The following LIG3 variants were observed in gnomAD, a reference collection of about 807,000 sequenced individuals.
LIG3 encodes ligase II, DNA, ATP-dependent.
Under a neutral mutation model 110.9 loss-of-function variants are expected in LIG3, and 58 were observed. The ratio of observed to expected loss-of-function variants is 0.52; its 90% CI spans 0.42 to 0.65. The LOEUF is 0.65. Among genes scored for constraint, LIG3 ranks in the 30% least tolerant of loss-of-function variants. The pLI is 0.00. For missense variants in LIG3, 1,094 were observed against 1,273.8 expected (o/e 0.86, Z 2.15); for synonymous variants, 422 against 472.8 (o/e 0.89, Z 1.39).
chr17:35,001,136 C>T, intron 16 of LIG3, 121 bp from the exon 17 acceptor site: 1 of 1,005,420 alleles, frequency 9.9e-7, no homozygotes, highest in Non-Finnish European at 1.5e-6. Flanking sequence ...AAACTCCTGA[C>T]CTCAAGTAAT....
intron 14 of LIG3, 95 bp downstream of exon 14, chr17:34,998,822 G>A (rs2090809004): frequency 6.9e-7 from 1 of 1,455,572 alleles, no homozygotes; most frequent in Non-Finnish European, 9.3e-7. Context: ...CTGCCAGCAT[G>A]GCCAGTTATG....
chr17:34,980,646 C>G lies in LIG3; in HGVS notation c.-5+24C>G, dbSNP rs970882570. 5.0e-6 allele frequency: 6 copies of G among 1,203,878 alleles called. No individual in the cohort carries two copies. The Admixed American group carries it at 1.7e-4, about 34-fold the overall frequency. 74.6% of individuals were successfully genotyped at this position (1,203,878 alleles called of 1,614,324 possible). A position where few individuals can be genotyped will look rare whatever the true frequency, so the allele number is the denominator to read the frequency against. ...AGGTGAGGGGCTACGCGGCGCGGCACGGCGCGGCGGGGCCCGGCGTGGGGA... is the reference window on the plus strand; with the variant it reads ...AGGTGAGGGGCTACGCGGCGCGGCAGGGCGCGGCGGGGCCCGGCGTGGGGA... On this transcript the variant is annotated intron_variant, in intron 1 of 19. Transcript: ENST00000378526.
rs138909084 is a variant in LIG3, at chr17:35,001,984, G to A, written c.2554G>A (p.Gly852Ser). 3 of 1,613,014 alleles carry A rather than the reference G, an allele frequency of 1.9e-6. No individual in the cohort carries two copies. The African/African-American group carries it at 4.0e-5, about 22-fold the overall frequency. Residue 852 changes from glycine (G) to serine (S), a missense_variant, in exon 18 of 20, where the codon GGT becomes AGT. Gly to Ser is a moderately conservative substitution (Grantham distance 56). Transcript: ENST00000378526. ...AGDEGSSTTG[G>S]SSEENKGPSG... is the part of the protein sequence containing the mutation. ...AGATGAGGGGAGCTCCACTACAGGGGGTAGCAGTGAAGAGAATAAGGGTCC... is the reference window on the plus strand; with the variant it reads ...AGATGAGGGGAGCTCCACTACAGGGAGTAGCAGTGAAGAGAATAAGGGTCC...
chr17:35,008,664 C>T lies in LIG3; in HGVS notation c.*4158C>T, dbSNP rs1216704945. The T allele has an allele frequency of 1.3e-5, 2 of 152,100 alleles. No homozygotes were observed. The highest frequency in any genetic ancestry group is 2.9e-5 in the Non-Finnish European group (2 of 68,054). The allele number at this position is 152,100 out of a possible 1,614,324, so 9.4% of individuals were successfully genotyped here. ...TTTTGTTTTTTGAGACAGAGTCTCGCTCTTTCGCCCAGGCCGGACTGCAGT... is the reference window on the plus strand; with the variant it reads ...TTTTGTTTTTTGAGACAGAGTCTCGTTCTTTCGCCCAGGCCGGACTGCAGT... On this transcript the variant is annotated 3_prime_UTR_variant, in exon 20 of 20. Coordinates refer to ENST00000378526, the MANE Select transcript of LIG3 (RefSeq NM_013975.4).
chr17:35,004,337 G>A lies in LIG3; in HGVS notation c.2861G>A (p.Arg954His), dbSNP rs144452860. 4.4e-4 allele frequency: 718 copies of A among 1,614,136 alleles called. 1 individual carries two copies. The highest frequency in any genetic ancestry group is 5.8e-4 in the Non-Finnish European group (679 of 1,180,024). ...CCACCCTCCACACCAGACTTCAGCCGTCTCAGACGCTACTTTGTGGCATTC... is the reference window on the plus strand; with the variant it reads ...CCACCCTCCACACCAGACTTCAGCCATCTCAGACGCTACTTTGTGGCATTC... ...YLPPSTPDFS[R>H]LRRYFVAFDG... Residue 954 changes from arginine to histidine, a missense_variant, in exon 20 of 20, where the codon CGT becomes CAT. Arg to His is a conservative substitution (Grantham distance 29). Transcript: ENST00000378526.
rs188674610 is a variant in LIG3, at chr17:34,998,399, T to C, written c.1989+103T>C. Reference sequence around the variant, plus strand: ...AGATGGCGGTGGCAGCCTGCAGTGGTTGGGGTGGCTGCTGGGGAAGTGTGG... The same window carrying C: ...AGATGGCGGTGGCAGCCTGCAGTGGCTGGGGTGGCTGCTGGGGAAGTGTGG... On this transcript the variant is annotated intron_variant, in intron 13 of 19. Transcript: ENST00000378526. 14 of 1,164,984 alleles carry C rather than the reference T, an allele frequency of 1.2e-5. No individual in the cohort carries two copies. In the East Asian group the frequency reaches 3.3e-4, roughly 27 times the overall value. The allele number at this position is 1,164,984 out of a possible 1,614,324, so 72.2% of individuals were successfully genotyped here. A position where few individuals can be genotyped will look rare whatever the true frequency, so the allele number is the denominator to read the frequency against.
chr17:35,009,417 A>G lies in LIG3; in HGVS notation c.*4911A>G, dbSNP rs1242638928. The G allele has an allele frequency of 6.6e-6, 1 of 152,224 alleles. No homozygotes were observed. Among genetic ancestry groups the G allele is most frequent in the Non-Finnish European group, 1.5e-5 (1 of 68,038 alleles). The allele number at this position is 152,224 out of a possible 1,614,324, so 9.4% of individuals were successfully genotyped here. A position where few individuals can be genotyped will look rare whatever the true frequency, so the allele number is the denominator to read the frequency against. ...TCAGAGTAATCAGCAAAAGCTACGG[A>G]ATAATTCTAAGAATTAGATGTTTCC... On this transcript the variant is annotated 3_prime_UTR_variant, in exon 20 of 20. Coordinates refer to ENST00000378526, the MANE Select transcript of LIG3 (RefSeq NM_013975.4).
intron 16 of LIG3, 33 bp downstream of exon 16, chr17:34,999,889 C>T (rs756594252): frequency 3.2e-6 from 5 of 1,541,194 alleles, no homozygotes; most frequent in East Asian, 2.2e-5. Context: ...GCCTCCAGCT[C>T]ATAGAATTAG....
intron 8 of LIG3, among the ~76,000 whole-genome samples, chr17:34,992,906 C>T (rs1045734216): frequency 6.6e-6 from 1 of 152,114 alleles, no homozygotes; most frequent in Non-Finnish European, 1.5e-5. Flanking sequence ...GTTGTAGGCC[C>T]AGCTACGCCA....
intron 8 of LIG3, among the ~76,000 whole-genome samples, chr17:34,993,257 G>A (rs907399690): frequency 3.3e-5 from 5 of 152,194 alleles, no homozygotes; most frequent in African/African-American, 1.2e-4. Context: ...GTGTGACAGG[G>A]CCCACCACAT....
Position 35,005,929 on chromosome 17 carries a change from A to C in LIG3, c.*1423A>C. 3.2e-6 allele frequency: 1 copy of C among 308,294 alleles called. No individual in the cohort carries two copies. Among genetic ancestry groups the C allele is most frequent in the East Asian group, 7.7e-5 (1 of 13,026 alleles). 19.1% of individuals were successfully genotyped at this position (308,294 alleles called of 1,614,324 possible). On this transcript the variant is annotated 3_prime_UTR_variant, in exon 20 of 20. Transcript: ENST00000378526. The stretch of plus-strand genomic sequence containing the variant: ...AATTTCTTCTTGGTATCAGAGAGAC[A>C]AGTTTATCACAGTATTTTTTTTTTT...
intron 1 of LIG3, 120 bp from the exon 2 acceptor site, chr17:34,982,882 T>C (rs1249827683): frequency 4.3e-6 from 3 of 704,448 alleles, no homozygotes; most frequent in South Asian, 2.6e-5. Context: ...TGTAATACTT[T>C]GGAAAGTGTT....
chr17:34,992,228 A>T (rs1426823781), intron 7 of LIG3, among the ~76,000 whole-genome samples, 193 bp downstream of exon 7: 1 of 152,186 alleles, frequency 6.6e-6, no homozygotes, highest in Non-Finnish European at 1.5e-5. Flanking sequence ...AGATAACAGT[A>T]CCTTTCTCAC....
intron 12 of LIG3, 55 bp downstream of exon 12, chr17:34,997,880 G>T: frequency 7.6e-7 from 1 of 1,312,998 alleles, no homozygotes; most frequent in South Asian, 1.2e-5. Context: ...GCAGGGCAGA[G>T]AACTCCTTGG....
chr17:35,005,260 A>G lies in LIG3; in HGVS notation c.*754A>G. The G allele has an allele frequency of 1.9e-6, 1 of 514,164 alleles. No homozygotes were observed. The highest frequency in any genetic ancestry group is 3.9e-6 in the Non-Finnish European group (1 of 254,904). The allele number at this position is 514,164 out of a possible 1,614,324, so 31.9% of individuals were successfully genotyped here. The stretch of plus-strand genomic sequence containing the variant: ...CTGTTCTTTAAGAATAAAAATCCAC[A>G]TGGGGCTTGAGGCCAAGAACAGCCC... On this transcript the variant is annotated 3_prime_UTR_variant, in exon 20 of 20. Transcript: ENST00000378526.
rs570216737 is a variant in LIG3 at position 35,000,606 on chromosome 17, T to C, written c.2332-651T>C. ...GTATTGCTTCTAGCTGGTTGGGAGA[T>C]ACTTTTTTTTTTTTTTTTTTTTTTT... is the stretch of plus-strand genomic sequence containing the variant. On this transcript the variant is annotated intron_variant, in intron 16 of 19. Coordinates refer to ENST00000378526, the MANE Select transcript of LIG3 (RefSeq NM_013975.4). Among the ~76,000 whole-genome samples the C allele has an allele frequency of 6.1e-4, 87 of 141,916 alleles. No homozygotes were observed. In the Middle Eastern group the frequency reaches 0.015, roughly 25 times the overall value. 93.1% of individuals were successfully genotyped at this position (141,916 alleles called of 152,430 possible). A position where few individuals can be genotyped will look rare whatever the true frequency, so the allele number is the denominator to read the frequency against.
Position 34,996,593 on chromosome 17 carries a change from C to T in LIG3, c.1763C>T (p.Ala588Val). The T allele has an allele frequency of 6.2e-7, 1 of 1,613,926 alleles. No homozygotes were observed. The highest frequency in any genetic ancestry group is 8.5e-7 in the Non-Finnish European group (1 of 1,179,908). Residue 588 changes from alanine to valine, a missense_variant, in exon 11 of 20, where the codon GCT becomes GTT. Physicochemically the swap from Ala to Val is moderately conservative, Grantham distance 64. Coordinates refer to ENST00000378526, the MANE Select transcript of LIG3 (RefSeq NM_013975.4). ...GVHKKAAFQD[A>V]NVCLFVFDCI... Reference sequence around the variant, plus strand: ...TTACAGAAAGCAGCCTTCCAGGATGCTAATGTCTGCCTGTTTGTTTTTGAT... The same window carrying T: ...TTACAGAAAGCAGCCTTCCAGGATGTTAATGTCTGCCTGTTTGTTTTTGAT...
chr17:34,999,715 CA>C, intron 15 of LIG3, 66 bp from the exon 16 acceptor site: 2 of 1,385,444 alleles, frequency 1.4e-6, no homozygotes, highest in Non-Finnish European at 2.1e-6. Context: ...ATCTCATTAC[CA>C]AGAGAAGGGA....
Position 35,004,977 on chromosome 17 carries a change from C to T in LIG3, c.*471C>T. Reference sequence around the variant, plus strand: ...TAAAGGACTGCCCTCGGAAATGCTTCTGTTTAGCGGAACTTGTATTCAGCC... The same window carrying T: ...TAAAGGACTGCCCTCGGAAATGCTTTTGTTTAGCGGAACTTGTATTCAGCC... On this transcript the variant is annotated 3_prime_UTR_variant, in exon 20 of 20. Transcript: ENST00000378526. The T allele has an allele frequency of 3.6e-6, 1 of 278,004 alleles. No individual in the cohort carries two copies. Among genetic ancestry groups the T allele is most frequent in the Non-Finnish European group, 7.0e-6 (1 of 142,100 alleles). The allele number at this position is 278,004 out of a possible 1,614,324, so 17.2% of individuals were successfully genotyped here. A position where few individuals can be genotyped will look rare whatever the true frequency, so the allele number is the denominator to read the frequency against.
Sources: gnomAD v4.1 joint callset for allele counts (sites outside exome capture counted in the v4.1 genomes callset) on GRCh38, gnomAD v4.1.1 for gene constraint, MANE v1.5 for transcripts, NCBI Gene and HGNC (gene_info 2026-07-23, HGNC 2026-07-21) for gene names.